The following ZMAT4 variants were observed in gnomAD, a reference collection of about 807,000 sequenced individuals.
ZMAT4 encodes zinc finger matrin-type 4.
ZMAT4 carries 17 observed loss-of-function variants against 28.7 expected under a neutral mutation model. The observed-to-expected ratio is 0.59, with a 90% CI of 0.41 to 0.89. The LOEUF (loss-of-function observed/expected upper bound fraction) is 0.89, where lower values mean the gene tolerates loss of function less well. Ranked by LOEUF, ZMAT4 falls within the 40% of genes least tolerant of loss-of-function variation. The pLI, the probability that ZMAT4 is intolerant of heterozygous loss-of-function variation, is 0.00. For missense variants in ZMAT4, 240 were observed against 283.8 expected, an observed-to-expected ratio of 0.85 and a Z score of 1.11; for synonymous variants, 117 against 109.2, an observed-to-expected ratio of 1.07 and a Z score of -0.44.
chr8:40,866,648 T>C (rs1817685255), intron 1 of ZMAT4, among the ~76,000 whole-genome samples: 1 of 152,140 alleles, frequency 6.6e-6, no homozygotes, highest in East Asian at 1.9e-4. Context: ...TGATGAATAA[T>C]TAAGAGGAGG....
chr8:40,709,167 G>A (rs61676320), intron 3 of ZMAT4, among the ~76,000 whole-genome samples: 23,128 of 151,986 alleles, frequency 0.15, 2,529 homozygotes, highest in East Asian at 0.36. Flanking sequence ...ATTACTTATA[G>A]TACCTAAGAG....
rs140457806 is a variant in ZMAT4 at position 40,604,720 on chromosome 8, G to A, written c.578-23459C>T. Among the ~76,000 whole-genome samples the A allele has an allele frequency of 1.3e-3, 200 of 152,154 alleles. 1 individual carries two copies. Among genetic ancestry groups the A allele is most frequent in the African/African-American group, 4.7e-3 (196 of 41,510 alleles). On this transcript the variant is annotated intron_variant, in intron 5 of 6. Coordinates refer to ENST00000297737, the MANE Select transcript of ZMAT4 (RefSeq NM_024645.3). ...TGTCCTTTCTTGGCTTTGCTATCAG[G>A]GTGATACTGGCCTCATAGAACGATT...
At position 40,676,902 on chromosome 8, in the gene ZMAT4, A is replaced by G. The variant is rs530763292; in HGVS notation, c.350-1971T>C. Among the ~76,000 whole-genome samples, 5 of 152,286 alleles carry G rather than the reference A, an allele frequency of 3.3e-5. No individual in the cohort carries two copies. The East Asian group carries it at 9.6e-4, about 29-fold the overall frequency. ...CTATGACTTAGAAATAAAAGCTACA[A>G]ATATGCAGTTGACCTGGATGTGAAA... On this transcript the variant is annotated intron_variant, in intron 4 of 6. Transcript: ENST00000297737.
At chr8:40,577,385 T>A (rs1262925026) in intron 6 of ZMAT4, among the ~76,000 whole-genome samples, 2 of 152,134 alleles carry the variant, frequency 1.3e-5, no homozygotes, top group African/African-American at 2.4e-5. Context: ...GAAGCATGGA[T>A]AAGCCAGGAG....
intron 3 of ZMAT4, among the ~76,000 whole-genome samples, chr8:40,709,073 C>A (rs1810491040): frequency 6.6e-6 from 1 of 152,160 alleles, no homozygotes; most frequent in African/African-American, 2.4e-5. Flanking sequence ...TCAAAGTCTG[C>A]AAATGCTCAA....
chr8:40,701,992 T>C (rs1173748881), intron 3 of ZMAT4, among the ~76,000 whole-genome samples: 3 of 152,114 alleles, frequency 2.0e-5, no homozygotes, highest in Admixed American at 1.3e-4. Context: ...CATGAATGGA[T>C]TAATGCTGTT....
chr8:40,692,570 A>C (rs1809707218), intron 4 of ZMAT4, among the ~76,000 whole-genome samples: 2 of 152,204 alleles, frequency 1.3e-5, no homozygotes, highest in South Asian at 4.1e-4. Flanking sequence ...GCCAGGTCTT[A>C]ACACACAATC....
intron 2 of ZMAT4, among the ~76,000 whole-genome samples, chr8:40,813,674 G>GTAT (rs1356149448): frequency 6.6e-6 from 1 of 152,226 alleles, no homozygotes; most frequent in Non-Finnish European, 1.5e-5. Flanking sequence ...CAGACAAAAG[G>GTAT]TATTACCTAG....
intron 5 of ZMAT4, among the ~76,000 whole-genome samples, chr8:40,646,627 T>C (rs992519147): frequency 6.6e-6 from 1 of 152,174 alleles, no homozygotes; most frequent in African/African-American, 2.4e-5. Flanking sequence ...AATAAGGACA[T>C]TTCATTATGA....
intron 1 of ZMAT4, among the ~76,000 whole-genome samples, chr8:40,861,464 A>G (rs1381604993): frequency 6.6e-6 from 1 of 152,360 alleles, no homozygotes; most frequent in South Asian, 2.1e-4. Flanking sequence ...CTAAAACCAT[A>G]AAAACCCTAG....
At chr8:40,617,866 A>G (rs1176422215) in intron 5 of ZMAT4, among the ~76,000 whole-genome samples, 1 of 152,242 alleles carries the variant, frequency 6.6e-6, no homozygotes, top group African/African-American at 2.4e-5. Context: ...GAGGCAGCCC[A>G]AGATACATGC....
intron 3 of ZMAT4, among the ~76,000 whole-genome samples, chr8:40,751,298 C>T (rs1812443011): frequency 6.6e-6 from 1 of 152,070 alleles, no homozygotes; most frequent in Non-Finnish European, 1.5e-5. Flanking sequence ...AAGCATGGTG[C>T]CAGCATCTGC....
chr8:40,615,367 C>T (rs1252001817), intron 5 of ZMAT4, among the ~76,000 whole-genome samples: 1 of 152,066 alleles, frequency 6.6e-6, no homozygotes, highest in Non-Finnish European at 1.5e-5. Context: ...GATTTTTTAC[C>T]TCATTTCAAC....
intron 5 of ZMAT4, among the ~76,000 whole-genome samples, chr8:40,665,221 C>A (rs1808356824): frequency 6.7e-6 from 1 of 148,578 alleles, no homozygotes; most frequent in Non-Finnish European, 1.5e-5. Flanking sequence ...CAAACAACAA[C>A]AAAAAAACAC....
At chr8:40,625,063 A>C (rs1217005286) in intron 5 of ZMAT4, among the ~76,000 whole-genome samples, 1 of 152,192 alleles carries the variant, frequency 6.6e-6, no homozygotes, top group Non-Finnish European at 1.5e-5. Context: ...GCGACATTTG[A>C]GTTGCAACCT....
chr8:40,806,484 A>G (rs1313204876), intron 2 of ZMAT4, among the ~76,000 whole-genome samples: 1 of 152,244 alleles, frequency 6.6e-6, no homozygotes, highest in Non-Finnish European at 1.5e-5. Context: ...ATGTGCTGCC[A>G]TAAACAGAGC....
intron 2 of ZMAT4, among the ~76,000 whole-genome samples, chr8:40,820,778 T>TGTCAGGGGTGTATAC (rs1308657639): frequency 0.26 from 49 of 190 alleles, no homozygotes; most frequent in Non-Finnish European, 0.32. Context: ...TATATGTGTT[T>TGTCAGGGGTGTATAC]ATGGGTGTGT....
At chr8:40,608,653 T>C (rs1805688493) in intron 5 of ZMAT4, among the ~76,000 whole-genome samples, 1 of 152,158 alleles carries the variant, frequency 6.6e-6, no homozygotes, top group African/African-American at 2.4e-5. Flanking sequence ...AGTTTCCTTC[T>C]CCCTGATGTC....
chr8:40,790,215 A>G (rs1814265504), intron 2 of ZMAT4, among the ~76,000 whole-genome samples: 1 of 152,238 alleles, frequency 6.6e-6, no homozygotes. Flanking sequence ...ATAAAGAAAA[A>G]AAACTGTTTT....
Sources: gnomAD v4.1 joint callset for allele counts (sites outside exome capture counted in the v4.1 genomes callset) on GRCh38, gnomAD v4.1.1 for gene constraint, MANE v1.5 for transcripts, NCBI Gene and HGNC (gene_info 2026-07-23, HGNC 2026-07-21) for gene names.